Variants in CDCP1 observed in about 807,000 individuals in gnomAD.
CDCP1 encodes the protein CUB domain containing protein 1.
Under a neutral mutation model 60.2 loss-of-function variants are expected in CDCP1, and 29 were observed. The observed-to-expected ratio is 0.48, with a 90% confidence interval of 0.36 to 0.66. The LOEUF (loss-of-function observed/expected upper bound fraction) is 0.66. Ranked by LOEUF, CDCP1 falls within the 30% of genes least tolerant of loss-of-function variation. CDCP1 has a pLI of 0.00. For synonymous variants in CDCP1, 387 were observed against 431.1 expected, an observed-to-expected ratio of 0.90 and a Z score of 1.27; for missense variants, 876 against 1,074.3, an observed-to-expected ratio of 0.82 and a Z score of 2.58.
intron 4 of CDCP1, among the ~76,000 whole-genome samples, chr3:45,108,544 T>C (rs1393242694): frequency 6.6e-6 from 1 of 151,848 alleles, no homozygotes; most frequent in African/African-American, 2.4e-5. Flanking sequence ...ACTGAGGTGA[T>C]AAACAAATCC....
At chr3:45,120,567 A>G (rs1698865510) in intron 1 of CDCP1, among the ~76,000 whole-genome samples, 1 of 152,104 alleles carries the variant, frequency 6.6e-6, no homozygotes, top group Non-Finnish European at 1.5e-5. Context: ...AGAATTCCCA[A>G]CTACTGCTCA....
intron 2 of CDCP1, among the ~76,000 whole-genome samples, chr3:45,113,691 G>A (rs750246573): frequency 5.3e-5 from 8 of 152,174 alleles, no homozygotes; most frequent in Non-Finnish European, 8.8e-5. Context: ...CAAGTACACG[G>A]CAATTCCAGA....
chr3:45,090,981 A>G (rs1225172323), intron 7 of CDCP1, among the ~76,000 whole-genome samples, 192 bp downstream of exon 7: 1 of 152,232 alleles, frequency 6.6e-6, no homozygotes, highest in Non-Finnish European at 1.5e-5. Flanking sequence ...TTGGAGCAAT[A>G]ATAGATGGCT....
At chr3:45,126,283 T>A (rs1200183380) in intron 1 of CDCP1, among the ~76,000 whole-genome samples, 1 of 151,432 alleles carries the variant, frequency 6.6e-6, no homozygotes, top group African/African-American at 2.4e-5. Flanking sequence ...CTTTTTTTTG[T>A]CTACCCTGGA....
chr3:45,141,130 G>C (rs1041259151), intron 1 of CDCP1, among the ~76,000 whole-genome samples: 4 of 152,156 alleles, frequency 2.6e-5, no homozygotes, highest in African/African-American at 7.2e-5. Context: ...GAACCCAGGA[G>C]GTGGGGGTTG....
chr3:45,095,296 A>G, intron 5 of CDCP1, 51 bp downstream of exon 5: 2 of 1,536,032 alleles, frequency 1.3e-6, no homozygotes, highest in Non-Finnish European at 1.8e-6. Context: ...CAAGGCGGGG[A>G]GAGAAGAGCT....
chr3:45,096,986 G>C (rs1483533716), intron 4 of CDCP1, among the ~76,000 whole-genome samples: 1 of 152,094 alleles, frequency 6.6e-6, no homozygotes, highest in Non-Finnish European at 1.5e-5. Context: ...TGGTCATTTA[G>C]GTGATTTCTA....
At chr3:45,109,072 C>T (rs1228590614) in intron 4 of CDCP1, among the ~76,000 whole-genome samples, 2 of 150,210 alleles carry the variant, frequency 1.3e-5, no homozygotes, top group Admixed American at 1.3e-4. Context: ...GTCTCAGCCT[C>T]CCAAGTAGTT....
chr3:45,102,702 C>G (rs1330532387), intron 4 of CDCP1, among the ~76,000 whole-genome samples: 1 of 151,630 alleles, frequency 6.6e-6, no homozygotes, highest in Non-Finnish European at 1.5e-5. Flanking sequence ...TTCACTCTGT[C>G]AACTCTGTCA....
At chr3:45,116,509 T>C (rs539149673) in intron 2 of CDCP1, among the ~76,000 whole-genome samples, 1 of 152,338 alleles carries the variant, frequency 6.6e-6, no homozygotes, top group East Asian at 1.9e-4. Flanking sequence ...ATTAACTGAT[T>C]TGCCAGGTGG....
chr3:45,085,441 G>A lies in CDCP1; in HGVS notation c.*197C>T. The A allele has an allele frequency of 1.7e-6, 1 of 605,278 alleles. No homozygotes were observed. The highest frequency in any genetic ancestry group is 3.0e-5 in the Admixed American group (1 of 33,324). 37.5% of individuals were successfully genotyped at this position (605,278 alleles called of 1,614,324 possible). A position where few individuals can be genotyped will look rare whatever the true frequency, so the allele number is the denominator to read the frequency against. ...ACATGAGCTGTCATGACTGTATCCAGATTGGAATTCATCATTTTCAATGTC... is the reference window on the plus strand; with the variant it reads ...ACATGAGCTGTCATGACTGTATCCAAATTGGAATTCATCATTTTCAATGTC... On this transcript the variant is annotated 3_prime_UTR_variant, in exon 9 of 9. Transcript: ENST00000296129. This position sits in a 1 kb window ranked among gnomAD's most constrained non-coding sequence, Gnocchi z 4.2.
intron 4 of CDCP1, among the ~76,000 whole-genome samples, chr3:45,099,654 T>C (rs1395937072): frequency 6.6e-6 from 1 of 152,178 alleles, no homozygotes; most frequent in Non-Finnish European, 1.5e-5. Flanking sequence ...TTGAGTTTTA[T>C]ATTTTCTCTT....
At chr3:45,093,198 T>C in intron 6 of CDCP1, 79 bp downstream of exon 6, 1 of 1,503,506 alleles carries the variant, frequency 6.7e-7, no homozygotes, top group Non-Finnish European at 8.9e-7. Context: ...ACTGGCAACT[T>C]AATTAAGGTG....
intron 1 of CDCP1, among the ~76,000 whole-genome samples, chr3:45,137,416 G>A (rs1351268046): frequency 6.6e-6 from 1 of 152,142 alleles, no homozygotes; most frequent in Non-Finnish European, 1.5e-5. Context: ...TAGAGGCAGA[G>A]GCCAGTGAGG....
chr3:45,118,721 A>G, intron 1 of CDCP1, 100 bp from the exon 2 acceptor site: 1 of 874,564 alleles, frequency 1.1e-6, no homozygotes, highest in Non-Finnish European at 1.8e-6. Flanking sequence ...GTCCTCTATG[A>G]CAACTTTGTT....
chr3:45,097,382 TTAC>T, intron 4 of CDCP1, among the ~76,000 whole-genome samples: 1 of 151,988 alleles, frequency 6.6e-6, no homozygotes, highest in East Asian at 1.9e-4. Flanking sequence ...TTAGAATAGA[TTAC>T]CAGATTGGTT....
At chr3:45,132,852 A>G (rs1347152579) in intron 1 of CDCP1, among the ~76,000 whole-genome samples, 7 of 152,212 alleles carry the variant, frequency 4.6e-5, no homozygotes. Flanking sequence ...CAGAATTCTA[A>G]GATGCCCTCC....
intron 1 of CDCP1, among the ~76,000 whole-genome samples, chr3:45,124,940 T>C (rs1698951961): frequency 6.6e-6 from 1 of 152,130 alleles, no homozygotes; most frequent in Non-Finnish European, 1.5e-5. Flanking sequence ...GAATGAACAT[T>C]TGCCTGTCTG....
intron 1 of CDCP1, among the ~76,000 whole-genome samples, chr3:45,121,050 G>A (rs1184771995): frequency 2.6e-5 from 4 of 152,104 alleles, no homozygotes; most frequent in Non-Finnish European, 5.9e-5. Context: ...GAGACAAAAC[G>A]TTTTAAGCCC....
Sources: gnomAD v4.1 joint callset for allele counts (sites outside exome capture counted in the v4.1 genomes callset) on GRCh38, gnomAD v4.1.1 for gene constraint, Gnocchi (gnomAD v3.1) non-coding constraint, MANE v1.5 for transcripts, NCBI Gene and HGNC (gene_info 2026-07-23, HGNC 2026-07-21) for gene names.